The following WDR72 variants were observed in gnomAD, a reference collection of about 807,000 sequenced individuals.
WDR72 encodes the protein WD repeat domain 72, also known as WD repeat-containing protein 72.
Under a neutral mutation model 124.2 loss-of-function variants are expected in WDR72, and 120 were observed. That is an observed-to-expected ratio of 0.97 (90% CI 0.83 to 1.12). The LOEUF is 1.12. Among genes scored for constraint, WDR72 ranks in the 50% most tolerant of loss-of-function variants. The probability of loss-of-function intolerance (pLI) is 0.00; values close to 1 mark genes in which losing one functional copy is unlikely to be tolerated. For missense variants in WDR72, 1,387 were observed against 1,278.8 expected (o/e 1.08, Z -1.29); for synonymous variants, 452 against 441.7 (o/e 1.02, Z -0.29).
At chr15:53,614,265 T>C (rs2013668485) in intron 15 of WDR72, among the ~76,000 whole-genome samples, 1 of 152,112 alleles carries the variant, frequency 6.6e-6, no homozygotes, top group Non-Finnish European at 1.5e-5. Context: ...AGTTAAATCA[T>C]GTGCCCAGGT....
At position 53,528,561 on chromosome 15, in the gene WDR72, G is replaced by C. The variant is rs62005871; in HGVS notation, c.3149-5239C>G. ...TTTCTAGAATGAATCGCTTTAAAGA[G>C]GATCTATTTTTCAACTAATAAAAAA... On this transcript the variant is annotated intron_variant, in intron 18 of 19. Coordinates refer to ENST00000360509, the MANE Select transcript of WDR72 (RefSeq NM_182758.4). Among the ~76,000 whole-genome samples, 1,312 of 151,992 alleles carry C rather than the reference G, an allele frequency of 8.6e-3. 20 individuals carry two copies. Among genetic ancestry groups the C allele is most frequent in the African/African-American group, 0.03 (1,264 of 41,480 alleles).
chr15:53,610,060 C>T (rs2013472999), intron 16 of WDR72, among the ~76,000 whole-genome samples: 1 of 152,028 alleles, frequency 6.6e-6, no homozygotes, highest in South Asian at 2.1e-4. Flanking sequence ...AAAATCAAAT[C>T]AAAGACTTCC....
chr15:53,618,445 C>G (rs918135141), intron 14 of WDR72, among the ~76,000 whole-genome samples: 2 of 151,872 alleles, frequency 1.3e-5, no homozygotes, highest in Non-Finnish European at 2.9e-5. Context: ...ACTTTTATTG[C>G]CTCTGTTTTT....
At chr15:53,661,847 A>G (rs746721706) in intron 14 of WDR72, among the ~76,000 whole-genome samples, 3 of 152,172 alleles carry the variant, frequency 2.0e-5, no homozygotes, top group Non-Finnish European at 4.4e-5. Context: ...AGCTCTAGAA[A>G]AGCAAATCAC....
At chr15:53,750,043 A>G (rs1343593581) in intron 1 of WDR72, among the ~76,000 whole-genome samples, 1 of 152,190 alleles carries the variant, frequency 6.6e-6, no homozygotes, top group Non-Finnish European at 1.5e-5. Context: ...AGAAGCTCTA[A>G]ACTCAGATAA....
intron 18 of WDR72, among the ~76,000 whole-genome samples, chr15:53,567,977 T>C (rs1470662693): frequency 6.6e-6 from 1 of 150,534 alleles, no homozygotes; most frequent in Admixed American, 6.7e-5. Context: ...TAATTGCATA[T>C]CATCCTGATC....
chr15:53,519,303 C>T (rs1419692912), intron 19 of WDR72, among the ~76,000 whole-genome samples: 1 of 152,068 alleles, frequency 6.6e-6, no homozygotes, highest in Non-Finnish European at 1.5e-5. Context: ...AAAGGCTCCA[C>T]TGAACTATTT....
Position 53,665,648 on chromosome 15 carries a change from A to G in WDR72, c.1886T>C (p.Ile629Thr). Residue 629 changes from isoleucine to threonine, a missense_variant, in exon 14 of 20, where the codon ATA becomes ACA. Physicochemically the swap from Ile to Thr is moderately conservative, Grantham distance 89 (BLOSUM62 -1). Coordinates refer to ENST00000360509, the MANE Select transcript of WDR72 (RefSeq NM_182758.4). ...GTAGGGGCTGGAGGATCTCTGTTCT[A>G]TACTTTTGTGCTTAAGTGTCTCTGA... ...IASETLKHKS[I>T]EQRSSSPYQL... 1.2e-6 allele frequency: 2 copies of G among 1,613,912 alleles called. No homozygotes were observed. Among genetic ancestry groups the G allele is most frequent in the Non-Finnish European group, 1.7e-6 (2 of 1,179,890 alleles).
chr15:53,718,795 A>AAAAATTTTAAAAACCTTAAGATTTTTT (rs2017787468), intron 3 of WDR72, among the ~76,000 whole-genome samples: 1 of 74,720 alleles, frequency 1.3e-5, no homozygotes, highest in African/African-American at 4.1e-5. Context: ...TAAGATTTTT[A>AAAAATTTTAAAAACCTTAAGATTTTTT]AAAATTTTAA....
intron 14 of WDR72, among the ~76,000 whole-genome samples, chr15:53,621,432 T>G (rs1183314695): frequency 9.4e-5 from 12 of 127,822 alleles, no homozygotes; most frequent in East Asian, 6.1e-4. Flanking sequence ...GAAACTGTGA[T>G]ATATATATAT....
At chr15:53,553,450 T>C (rs1021470929) in intron 18 of WDR72, among the ~76,000 whole-genome samples, 1 of 152,152 alleles carries the variant, frequency 6.6e-6, no homozygotes, top group Non-Finnish European at 1.5e-5. Context: ...TGTTGTGTCA[T>C]GTAAAGTGAT....
Position 53,700,998 on chromosome 15 carries a change from T to C in WDR72, c.1570-1053A>G, listed in dbSNP as rs1464749509. The stretch of plus-strand genomic sequence containing the variant: ...ATAGACTATGGAGAAATAATGTTTA[T>C]AAGCCAATTAACTGACTTAAAAAAT... On this transcript the variant is annotated intron_variant, in intron 12 of 19. Coordinates refer to ENST00000360509, the MANE Select transcript of WDR72 (RefSeq NM_182758.4). Among the ~76,000 whole-genome samples the C allele has an allele frequency of 5.3e-5, 8 of 152,350 alleles. No homozygotes were observed. In the South Asian group the frequency reaches 1.5e-3, roughly 28 times the overall value.
rs544133029 is a variant in WDR72, at chr15:53,606,988, C to T, written c.2952+2525G>A. Among the ~76,000 whole-genome samples the T allele has an allele frequency of 4.6e-5, 7 of 152,228 alleles. No individual in the cohort carries two copies. The South Asian group carries it at 1.5e-3, about 32-fold the overall frequency. On this transcript the variant is annotated intron_variant, in intron 17 of 19. Coordinates refer to ENST00000360509, the MANE Select transcript of WDR72 (RefSeq NM_182758.4). ...AGTATATTACGAGTTAACTTTGTTTCCCTATAACCAAGAATAATCATTTGT... is the reference window on the plus strand; with the variant it reads ...AGTATATTACGAGTTAACTTTGTTTTCCTATAACCAAGAATAATCATTTGT...
intron 14 of WDR72, among the ~76,000 whole-genome samples, chr15:53,631,251 CCTT>C (rs2014417230): frequency 6.6e-6 from 1 of 152,144 alleles, no homozygotes; most frequent in Non-Finnish European, 1.5e-5. Context: ...CTCCCTCGCT[CCTT>C]CTCCAGCCAC....
rs74015918 is a variant in WDR72, at chr15:53,736,350, G to A, written c.-12-3189C>T. On this transcript the variant is annotated intron_variant, in intron 1 of 19. Coordinates refer to ENST00000360509, the MANE Select transcript of WDR72 (RefSeq NM_182758.4). ...TGTCCAAATGTGGGGGCAGCTGCAT[G>A]TAAGGTGCAGCCTCCAAGGAGGGTG... 5.0e-3 allele frequency among the ~76,000 whole-genome samples: 755 copies of A among 152,256 alleles called. 6 individuals carry two copies. Among genetic ancestry groups the A allele is most frequent in the African/African-American group, 0.017 (719 of 41,550 alleles).
At chr15:53,650,741 C>T (rs1288038853) in intron 14 of WDR72, among the ~76,000 whole-genome samples, 1 of 152,098 alleles carries the variant, frequency 6.6e-6, no homozygotes, top group Non-Finnish European at 1.5e-5. Flanking sequence ...TATAGGTCAA[C>T]TAGAGCACAT....
At chr15:53,519,590 G>T (rs1442273353) in intron 19 of WDR72, among the ~76,000 whole-genome samples, 2 of 152,064 alleles carry the variant, frequency 1.3e-5, no homozygotes, top group African/African-American at 4.8e-5. Context: ...CCGAAGACAA[G>T]ACACTACTCA....
intron 1 of WDR72, among the ~76,000 whole-genome samples, chr15:53,740,162 G>A (rs576045157): frequency 1.4e-4 from 22 of 152,182 alleles, no homozygotes; most frequent in African/African-American, 5.3e-4. Context: ...GTATCTCCCT[G>A]AAAATTATCC....
chr15:53,516,531 T>A lies in WDR72; in HGVS notation c.*1168A>T, dbSNP rs1891469074. On this transcript the variant is annotated 3_prime_UTR_variant, in exon 20 of 20. Coordinates refer to ENST00000360509, the MANE Select transcript of WDR72 (RefSeq NM_182758.4). ...ATATTTAATGCTTTATATCCCTTTT[T>A]CAATTATATAGTTCTCTTTTCTAAT... 6.6e-6 allele frequency: 1 copy of A among 152,010 alleles called. No individual in the cohort carries two copies. The highest frequency in any genetic ancestry group is 1.5e-5 in the Non-Finnish European group (1 of 67,946). The allele number at this position is 152,010 out of a possible 1,614,324, so 9.4% of individuals were successfully genotyped here.
Sources: allele counts gnomAD v4.1 joint callset (sites outside exome capture counted in the v4.1 genomes callset), GRCh38; gene constraint gnomAD v4.1.1; transcripts MANE v1.5; gene names NCBI Gene and HGNC (gene_info 2026-07-23, HGNC 2026-07-21).